FMNL2: variants seen among roughly 807,000 people sequenced by gnomAD.
FMNL2 encodes the protein formin-like protein 2.
A neutral mutation model predicts 130.2 loss-of-function variants in FMNL2; 51 were observed. That is an observed-to-expected ratio of 0.39 (90% CI 0.31 to 0.49). The LOEUF is 0.49. FMNL2 is among the 20% of genes least tolerant of loss of function. The pLI is 0.85. For missense variants in FMNL2, 977 were observed against 1,316.2 expected, an observed-to-expected ratio of 0.74 and a Z score of 3.99; for synonymous variants, 465 against 467.1, an observed-to-expected ratio of 1.00 and a Z score of 0.06.
chr2:152,513,329 T>C (rs1348528250), intron 1 of FMNL2, among the ~76,000 whole-genome samples: 1 of 152,186 alleles, frequency 6.6e-6, no homozygotes, highest in Non-Finnish European at 1.5e-5. Flanking sequence ...AGATTTACCC[T>C]CTTAGCGAAT....
In FMNL2 at chr2:152,443,865, A is replaced by G. The variant is rs115354984; in HGVS notation, c.118-78078A>G. ...ATCCAAAAAGAAAAAAAGAAAAAAAAGGAGAGGAGAGAAACAGCATCAGTT... is the reference window on the plus strand; with the variant it reads ...ATCCAAAAAGAAAAAAAGAAAAAAAGGGAGAGGAGAGAAACAGCATCAGTT... On this transcript the variant is annotated intron_variant, in intron 1 of 25. Coordinates refer to ENST00000288670, the MANE Select transcript of FMNL2 (RefSeq NM_052905.4). Among the ~76,000 whole-genome samples the G allele has an allele frequency of 7.8e-3, 1,194 of 152,204 alleles. 15 individuals are homozygous for G. The highest frequency in any genetic ancestry group is 0.027 in the African/African-American group (1,124 of 41,524).
intron 1 of FMNL2, among the ~76,000 whole-genome samples, chr2:152,374,518 G>T (rs1035849086): frequency 2.0e-5 from 3 of 152,156 alleles, no homozygotes; most frequent in Non-Finnish European, 4.4e-5. Context: ...GGTTATTTCA[G>T]TCAAGATGTT....
At chr2:152,646,590 G>T (rs549507915) in intron 25 of FMNL2, among the ~76,000 whole-genome samples, 3 of 137,750 alleles carry the variant, frequency 2.2e-5, no homozygotes, top group Non-Finnish European at 4.4e-5. Context: ...TGCGGGGGGT[G>T]GGGGGGCACA....
At chr2:152,525,981 G>GT (rs1257520032) in intron 2 of FMNL2, among the ~76,000 whole-genome samples, 1 of 152,130 alleles carries the variant, frequency 6.6e-6, no homozygotes, top group African/African-American at 2.4e-5. Context: ...AGAAGGGCAG[G>GT]TTTTTTACTG....
chr2:152,424,994 C>T (rs561322526), intron 1 of FMNL2, among the ~76,000 whole-genome samples: 14 of 152,258 alleles, frequency 9.2e-5, no homozygotes, highest in African/African-American at 3.4e-4. Flanking sequence ...ACTTTTAACT[C>T]TTCATGTATC....
Position 152,427,526 on chromosome 2 carries a change from T to C in FMNL2, c.117+91806T>C, listed in dbSNP as rs534439459. On this transcript the variant is annotated intron_variant, in intron 1 of 25. Coordinates refer to ENST00000288670, the MANE Select transcript of FMNL2 (RefSeq NM_052905.4). ...TGCCACTGCACTCCAGCCTAGGCGATAGAGTGAGACTCCTTCTTAAAAAAT... is the reference window on the plus strand; with the variant it reads ...TGCCACTGCACTCCAGCCTAGGCGACAGAGTGAGACTCCTTCTTAAAAAAT... 3.9e-5 allele frequency among the ~76,000 whole-genome samples: 6 copies of C among 152,286 alleles called. No homozygotes were observed. The South Asian group carries it at 6.2e-4, about 16-fold the overall frequency.
chr2:152,428,031 A>G (rs753428562), intron 1 of FMNL2, among the ~76,000 whole-genome samples: 2 of 152,234 alleles, frequency 1.3e-5, no homozygotes, highest in Non-Finnish European at 2.9e-5. Flanking sequence ...TTGTCTTTAA[A>G]GGATATTGTC....
intron 6 of FMNL2, among the ~76,000 whole-genome samples, chr2:152,572,739 G>A (rs1696244121): frequency 6.6e-6 from 1 of 151,608 alleles, no homozygotes; most frequent in African/African-American, 2.4e-5. Flanking sequence ...TGAGACCCTT[G>A]TCTCCAAAAA....
At chr2:152,549,773 C>T (rs1284150943) in intron 4 of FMNL2, among the ~76,000 whole-genome samples, 4 of 152,190 alleles carry the variant, frequency 2.6e-5, no homozygotes, top group African/African-American at 9.7e-5. Flanking sequence ...TGTCTTAAAA[C>T]AAGATGGCTT....
intron 9 of FMNL2, among the ~76,000 whole-genome samples, chr2:152,591,230 C>T (rs1470133468): frequency 4.0e-5 from 6 of 151,794 alleles, no homozygotes; most frequent in Non-Finnish European, 8.8e-5. Context: ...AGACTGGTCT[C>T]GAACTCCTGA....
chr2:152,580,870 A>C, intron 8 of FMNL2, 86 bp from the exon 9 acceptor site: 1 of 1,220,128 alleles, frequency 8.2e-7, no homozygotes, highest in Non-Finnish European at 1.2e-6. Flanking sequence ...CAAATGTTTT[A>C]TTCTCATGTA....
chr2:152,644,145 CAGG>C (rs1325716511), intron 25 of FMNL2, among the ~76,000 whole-genome samples: 1 of 152,190 alleles, frequency 6.6e-6, no homozygotes, highest in Non-Finnish European at 1.5e-5. Flanking sequence ...TGCTTGAGCC[CAGG>C]AGGTGGAGGT....
intron 25 of FMNL2, among the ~76,000 whole-genome samples, chr2:152,645,826 G>A (rs1683503991): frequency 6.6e-6 from 1 of 152,134 alleles, no homozygotes; most frequent in African/African-American, 2.4e-5. Flanking sequence ...ATTTTGATCT[G>A]AAGCGACTGA....
rs145124940 is a variant in FMNL2 at position 152,460,606 on chromosome 2, C to G, written c.118-61337C>G. 1.2e-4 allele frequency among the ~76,000 whole-genome samples: 18 copies of G among 152,350 alleles called. 1 individual carries two copies. The highest frequency in any genetic ancestry group is 3.6e-4 in the African/African-American group (15 of 41,584). On this transcript the variant is annotated intron_variant, in intron 1 of 25. Coordinates refer to ENST00000288670, the MANE Select transcript of FMNL2 (RefSeq NM_052905.4). ...CGGACCTGTTAGGAACCAGGCCGCA[C>G]AAGGGGCAAGTGAGCAAAGCTTTGT...
At chr2:152,575,301 T>G (rs1696412995) in intron 7 of FMNL2, 57 bp downstream of exon 7, 2 of 1,179,184 alleles carry the variant, frequency 1.7e-6, no homozygotes, top group South Asian at 1.3e-5. Flanking sequence ...GACTCAGAAA[T>G]GACTGCTGGG....
Position 152,412,447 on chromosome 2 carries a change from TATATA to T in FMNL2, c.117+76728_117+76732del, listed in dbSNP as rs1168323467. On this transcript the variant is annotated intron_variant, in intron 1 of 25. Coordinates refer to ENST00000288670, the MANE Select transcript of FMNL2 (RefSeq NM_052905.4). ...TCCTCTTACTTTCTTCTGTATATTT[TATATA>T]TATATATATATATATATATATATAT... Among the ~76,000 whole-genome samples the T allele has an allele frequency of 2.2e-3, 18 of 8,264 alleles. 1 individual carries two copies. The highest frequency in any genetic ancestry group is 2.9e-3 in the Non-Finnish European group (9 of 3,106). The allele number at this position is 8,264 out of a possible 152,430, so 5.4% of individuals were successfully genotyped here.
At chr2:152,622,065 A>G (rs1050960767) in intron 15 of FMNL2, among the ~76,000 whole-genome samples, 1 of 152,156 alleles carries the variant, frequency 6.6e-6, no homozygotes, top group Admixed American at 6.5e-5. Flanking sequence ...TGAAATATGC[A>G]TTTGAAGAAG....
intron 8 of FMNL2, among the ~76,000 whole-genome samples, chr2:152,580,459 G>T (rs972760796): frequency 1.3e-5 from 2 of 152,164 alleles, no homozygotes; most frequent in Non-Finnish European, 2.9e-5. Context: ...TTGTATTTTC[G>T]TGGGAGATTT....
At chr2:152,512,177 A>G (rs188483143) in intron 1 of FMNL2, among the ~76,000 whole-genome samples, 10 of 152,298 alleles carry the variant, frequency 6.6e-5, no homozygotes, top group Admixed American at 6.5e-4. Flanking sequence ...AGCTCCTGGC[A>G]CAGCAGTTAG....
Sources: allele counts gnomAD v4.1 joint callset (sites outside exome capture counted in the v4.1 genomes callset), GRCh38; gene constraint gnomAD v4.1.1; transcripts MANE v1.5; gene names NCBI Gene and HGNC (gene_info 2026-07-23, HGNC 2026-07-21).